ASPRV1: variants seen among roughly 807,000 people sequenced by gnomAD.
The protein encoded by ASPRV1 is aspartic peptidase retroviral like 1, also known as retroviral-like aspartic protease 1.
In ASPRV1, 7 loss-of-function variants were observed where a neutral mutation model predicts 11.0. The ratio of observed to expected loss-of-function variants is 0.64; its 90% CI spans 0.36 to 1.20. ASPRV1 has a LOEUF of 1.20. Among genes scored for constraint, ASPRV1 ranks in the 50% most tolerant of loss-of-function variants. ASPRV1 has a pLI of 0.02. For missense variants in ASPRV1, 299 were observed against 320.0 expected, an observed-to-expected ratio of 0.93 and a Z score of 0.50; for synonymous variants, 136 against 138.4, an observed-to-expected ratio of 0.98 and a Z score of 0.12.
downstream of ASPRV1, among the ~76,000 whole-genome samples, chr2:69,957,507 A>G (rs1228580806): frequency 2.0e-5 from 3 of 151,366 alleles, no homozygotes; most frequent in Non-Finnish European, 2.9e-5. Flanking sequence ...GGTGGTCATT[A>G]TTAGAGAAGA....
At chr2:69,946,962 T>G in the ASPRV1 span, among the ~76,000 whole-genome samples, 3 of 152,202 alleles carry the variant, frequency 2.0e-5, no homozygotes, top group African/African-American at 7.2e-5. Flanking sequence ...GGGAAGCCCT[T>G]GCTAAAATGC....
chr2:70,076,457 G>A, the ASPRV1 span, among the ~76,000 whole-genome samples: 1 of 152,144 alleles, frequency 6.6e-6, no homozygotes, highest in Admixed American at 6.5e-5. Context: ...CTTTCTATGT[G>A]CCAAGCACTA....
At chr2:69,951,509 A>C in the ASPRV1 span, among the ~76,000 whole-genome samples, 1 of 149,286 alleles carries the variant, frequency 6.7e-6, no homozygotes, top group Non-Finnish European at 1.5e-5. Context: ...ATTTATATAT[A>C]TAGATCTATA....
At chr2:69,934,068 A>G in the ASPRV1 span, among the ~76,000 whole-genome samples, 1 of 152,246 alleles carries the variant, frequency 6.6e-6, no homozygotes, top group Non-Finnish European at 1.5e-5. Context: ...GCAAACACTT[A>G]TTAAGCATGT....
At chr2:69,988,465 C>G in the ASPRV1 span, 1 of 266,000 alleles carries the variant, frequency 3.8e-6, no homozygotes, top group Non-Finnish European at 7.5e-6. Context: ...CTAGAGTAGT[C>G]AAGTTCATAG....
At chr2:69,988,862 G>A in the ASPRV1 span, 85 of 455,902 alleles carry the variant, frequency 1.9e-4, no homozygotes, top group Non-Finnish European at 2.6e-4. Context: ...GGAGGGGTCA[G>A]GAAGCAAGAG....
chr2:70,015,430 C>G, the ASPRV1 span: 1 of 152,052 alleles, frequency 6.6e-6, no homozygotes, highest in African/African-American at 2.4e-5. Context: ...AAATGAGGAT[C>G]AAAAATACAG....
chr2:69,979,257 T>A, the ASPRV1 span, among the ~76,000 whole-genome samples: 2 of 152,106 alleles, frequency 1.3e-5, no homozygotes, highest in African/African-American at 2.4e-5. Context: ...ATGGTCTCAA[T>A]CTCCTGACCT....
At chr2:70,019,640 G>T in the ASPRV1 span, among the ~76,000 whole-genome samples, 1 of 152,184 alleles carries the variant, frequency 6.6e-6, no homozygotes, top group African/African-American at 2.4e-5. Flanking sequence ...AGGATACTAT[G>T]TCAAGTGAAA....
At chr2:70,083,385 G>A in the ASPRV1 span, 2 of 152,234 alleles carry the variant, frequency 1.3e-5, no homozygotes, top group East Asian at 1.9e-4. Context: ...AACAAGTAAC[G>A]TGAAAGCACT....
rs1678076785 is a variant in ASPRV1, at chr2:69,961,022, T to G, written c.415A>C (p.Asn139His). Residue 139 changes from asparagine (N) to histidine (H), a missense_variant, in exon 1 of 1, where the codon AAC (asparagine) becomes CAC (histidine). By Grantham distance (68) the Asn-to-His change is moderately conservative (BLOSUM62 1). Coordinates refer to ENST00000320256, the MANE Select transcript of ASPRV1 (RefSeq NM_152792.4). ...SGAQVSVVHP[N>H]LWEEVTDGDL... is the part of the protein sequence containing the mutation. ...CCATCAGTGACCTCCTCCCACAAGT[T>G]TGGGTGGACCACAGAGACCTGGGCC... is the stretch of plus-strand genomic sequence containing the variant. 1 of 1,613,776 alleles carries G rather than the reference T, an allele frequency of 6.2e-7. No individual in the cohort carries two copies. Among genetic ancestry groups the G allele is most frequent in the Non-Finnish European group, 8.5e-7 (1 of 1,179,932 alleles).
At chr2:69,990,531 G>A in the ASPRV1 span, among the ~76,000 whole-genome samples, 1 of 152,140 alleles carries the variant, frequency 6.6e-6, no homozygotes, top group Admixed American at 6.5e-5. Context: ...AGGCTGGAGT[G>A]CAGTTGTGTG....
At chr2:69,980,223 C>A in the ASPRV1 span, among the ~76,000 whole-genome samples, 92 of 152,166 alleles carry the variant, frequency 6.0e-4, no homozygotes, top group Non-Finnish European at 1.2e-3. Context: ...TGAGTGGAAG[C>A]TAAAGATCTA....
chr2:69,938,501 G>C, the ASPRV1 span: 6 of 544,150 alleles, frequency 1.1e-5, no homozygotes, highest in South Asian at 1.1e-4. Context: ...ATTTGTCTCT[G>C]AGAGACTATA....
At chr2:69,944,495 G>C in the ASPRV1 span, among the ~76,000 whole-genome samples, 17 of 152,332 alleles carry the variant, frequency 1.1e-4, no homozygotes, top group South Asian at 2.7e-3. Flanking sequence ...GAGGGAGAGA[G>C]AAGTGAGGCA....
At chr2:70,054,835 T>C in the ASPRV1 span, among the ~76,000 whole-genome samples, 1 of 152,120 alleles carries the variant, frequency 6.6e-6, no homozygotes, top group African/African-American at 2.4e-5. Flanking sequence ...GACATAAAGT[T>C]GGGGATCATT....
chr2:69,964,134 G>C, upstream of ASPRV1: 1 of 268,982 alleles, frequency 3.7e-6, no homozygotes, highest in South Asian at 3.4e-5. Flanking sequence ...GGCAGGCAAA[G>C]CACTGTGGCT....
At chr2:70,007,289 G>A in the ASPRV1 span, among the ~76,000 whole-genome samples, 5 of 152,086 alleles carry the variant, frequency 3.3e-5, no homozygotes, top group East Asian at 3.9e-4. Flanking sequence ...AGGCTGAGGC[G>A]GGTGGATCAC....
the ASPRV1 span, chr2:70,015,833 C>G: frequency 1.3e-5 from 2 of 152,102 alleles, no homozygotes; most frequent in Non-Finnish European, 2.9e-5. Flanking sequence ...CATGGTGGCT[C>G]CCACCTGTAA....
Sources: allele counts gnomAD v4.1 joint callset (sites outside exome capture counted in the v4.1 genomes callset), GRCh38; gene constraint gnomAD v4.1.1; transcripts MANE v1.5; gene names NCBI Gene and HGNC (gene_info 2026-07-23, HGNC 2026-07-21).